Variants in XPO4 observed in about 807,000 individuals in gnomAD.
XPO4 encodes the protein exportin-4.
XPO4 carries 39 observed loss-of-function variants against 143.0 expected under a neutral mutation model. The observed-to-expected ratio is 0.27, with a 90% CI of 0.21 to 0.36. The LOEUF (loss-of-function observed/expected upper bound fraction) is 0.36. Ranked by LOEUF, XPO4 falls within the 10% of genes least tolerant of loss-of-function variation. The pLI, the probability that XPO4 is intolerant of heterozygous loss-of-function variation, is 1.00. For missense variants in XPO4, 907 were observed against 1,348.0 expected (o/e 0.67, Z 5.12); for synonymous variants, 439 against 474.0 (o/e 0.93, Z 0.96).
Position 20,796,080 on chromosome 13 carries a change from A to G in XPO4, c.2793T>C (p.Asp931=). The change falls in exon 18 of 23, where the codon GAT becomes GAC. Residue 931 remains aspartate, a synonymous_variant. Transcript: ENST00000255305. ...LLSKEFIDFS[D]TDEVFRGHEP... is the part of the protein sequence containing the mutation. ...AACCATCACGTTACATTTTACCTGTATCACTGAAATCTATGAATTCTTTTG... is the reference window on the plus strand; with the variant it reads ...AACCATCACGTTACATTTTACCTGTGTCACTGAAATCTATGAATTCTTTTG... 8 of 1,610,316 alleles carry G rather than the reference A, an allele frequency of 5.0e-6. No homozygotes were observed. The highest frequency in any genetic ancestry group is 6.8e-6 in the Non-Finnish European group (8 of 1,178,116).
At chr13:20,809,430 C>A (rs2059549462) in intron 10 of XPO4, among the ~76,000 whole-genome samples, 1 of 152,112 alleles carries the variant, frequency 6.6e-6, no homozygotes, top group Non-Finnish European at 1.5e-5. Flanking sequence ...GGAAAACATA[C>A]AAGAGCAAGA....
intron 4 of XPO4, chr13:20,851,720 AAAAAAAAAAAG>A: frequency 3.1e-6 from 3 of 953,108 alleles, no homozygotes; most frequent in South Asian, 4.9e-5. Flanking sequence ...ACAAAAAAAA[AAAAAAAAAAAG>A]AAAGAAAGAA....
Position 20,821,792 on chromosome 13 carries a change from G to A in XPO4, c.1085C>T (p.Ala362Val), listed in dbSNP as rs2059723167. Reference sequence around the variant, plus strand: ...GGAGGAGAAAAGTTCACTTGGAATGGCAGTTAAAACATTTCGTGGGAACAC... The same window carrying A: ...GGAGGAGAAAAGTTCACTTGGAATGACAGTTAAAACATTTCGTGGGAACAC... ...ITVFPRNVLTAIPSELFSSFV... is the reference protein window; with the variant it reads ...ITVFPRNVLTVIPSELFSSFV... Residue 362 changes from alanine to valine, a missense_variant, in exon 9 of 23, where the codon GCC (alanine) becomes GTC (valine). Physicochemically the swap from Ala to Val is moderately conservative, Grantham distance 64. Coordinates refer to ENST00000255305, the MANE Select transcript of XPO4 (RefSeq NM_022459.5). The A allele has an allele frequency of 1.9e-6, 3 of 1,613,966 alleles. No individual in the cohort carries two copies. Among genetic ancestry groups the A allele is most frequent in the African/African-American group, 1.3e-5 (1 of 74,940 alleles).
At chr13:20,871,899 TTTATA>T (rs1440211174) in intron 1 of XPO4, among the ~76,000 whole-genome samples, 2 of 152,204 alleles carry the variant, frequency 1.3e-5, no homozygotes, top group Non-Finnish European at 2.9e-5. Context: ...TAAAAGTTGA[TTTATA>T]TTAACCACCT....
chr13:20,807,136 A>G (rs2059518806), intron 13 of XPO4, among the ~76,000 whole-genome samples: 1 of 152,186 alleles, frequency 6.6e-6, no homozygotes, highest in Non-Finnish European at 1.5e-5. Context: ...GGGCGCCTGC[A>G]TGCATCAGTA....
chr13:20,858,922 G>GTA (rs59921874), intron 3 of XPO4, among the ~76,000 whole-genome samples: 3,156 of 148,638 alleles, frequency 0.021, 30 homozygotes, highest in Admixed American at 0.026. Context: ...ATGTGTGTGT[G>GTA]TATATATATA....
chr13:20,792,562 C>G (rs957311043), intron 18 of XPO4, among the ~76,000 whole-genome samples: 1 of 151,240 alleles, frequency 6.6e-6, no homozygotes, highest in African/African-American at 2.4e-5. Flanking sequence ...GAGCGAGACG[C>G]TGTCTCAAAA....
At position 20,786,325 on chromosome 13, in the gene XPO4, A is replaced by ATG. The variant is rs1353195486; in HGVS notation, c.3258+639_3258+640insCA. Among the ~76,000 whole-genome samples, 5 of 141,418 alleles carry ATG rather than the reference A, an allele frequency of 3.5e-5. No individual in the cohort carries two copies. The East Asian group carries it at 1.0e-3, about 29-fold the overall frequency. The allele number at this position is 141,418 out of a possible 152,430, so 92.8% of individuals were successfully genotyped here. The stretch of plus-strand genomic sequence containing the variant: ...TGTGTGTGTATATATATATATATAT[A>ATG]TATGTACCTTACATATATATGTGTG... On this transcript the variant is annotated intron_variant, in intron 22 of 22. Transcript: ENST00000255305.
At chr13:20,826,665 A>C (rs2059789768) in intron 7 of XPO4, among the ~76,000 whole-genome samples, 2 of 152,232 alleles carry the variant, frequency 1.3e-5, no homozygotes. Flanking sequence ...TCAAAAATAT[A>C]GTTAATTAAA....
At chr13:20,887,153 C>G (rs1471967953) in intron 1 of XPO4, among the ~76,000 whole-genome samples, 4 of 152,156 alleles carry the variant, frequency 2.6e-5, no homozygotes, top group Non-Finnish European at 4.4e-5. Flanking sequence ...CAGATTTCTT[C>G]AAGAGACTAC....
chr13:20,868,456 G>C (rs1372470025), intron 2 of XPO4, 140 bp downstream of exon 2: 1 of 1,290,840 alleles, frequency 7.7e-7, no homozygotes, highest in Non-Finnish European at 1.0e-6. Context: ...AGCTACTCCA[G>C]TAGAATGATT....
At chr13:20,893,163 G>T (rs1566630993) in intron 1 of XPO4, among the ~76,000 whole-genome samples, 1 of 152,202 alleles carries the variant, frequency 6.6e-6, no homozygotes, top group African/African-American at 2.4e-5. Context: ...TGGAAAGGCA[G>T]TAACTTATCC....
chr13:20,799,580 A>AGCCT (rs1198325688), intron 15 of XPO4, among the ~76,000 whole-genome samples: 1 of 152,184 alleles, frequency 6.6e-6, no homozygotes. Flanking sequence ...AATCTGCAAA[A>AGCCT]TAGGAATAAT....
intron 1 of XPO4, chr13:20,902,136 G>C (rs1566636189): frequency 6.1e-6 from 6 of 985,318 alleles, no homozygotes; most frequent in Non-Finnish European, 7.2e-6. Context: ...CCCTCCAGCC[G>C]GCCCGGCCCT....
At chr13:20,787,837 G>A (rs765967319) in intron 20 of XPO4, among the ~76,000 whole-genome samples, 7 of 152,000 alleles carry the variant, frequency 4.6e-5, no homozygotes, top group Non-Finnish European at 8.8e-5. Flanking sequence ...TTCAGTTTAC[G>A]ATACATACAA....
intron 1 of XPO4, among the ~76,000 whole-genome samples, chr13:20,891,919 C>T (rs2060521070): frequency 6.6e-6 from 1 of 151,598 alleles, no homozygotes; most frequent in South Asian, 2.1e-4. Context: ...AACTTCTGGA[C>T]TCAAGCAATT....
At chr13:20,799,115 A>T (rs781264398) in intron 16 of XPO4, 50 bp downstream of exon 16, 136 of 1,495,424 alleles carry the variant, frequency 9.1e-5, no homozygotes, top group Non-Finnish European at 1.2e-4. Context: ...TAGATAAAGG[A>T]ACTACAGAGT....
At chr13:20,787,650 A>C in intron 20 of XPO4, 52 bp from the exon 21 acceptor site, 1 of 1,501,724 alleles carries the variant, frequency 6.7e-7, no homozygotes, top group Non-Finnish European at 9.2e-7. Context: ...CGATTTATAA[A>C]AGATAAAAAA....
At chr13:20,875,479 G>A (rs542395030) in intron 1 of XPO4, among the ~76,000 whole-genome samples, 17 of 152,124 alleles carry the variant, frequency 1.1e-4, no homozygotes, top group Middle Eastern at 3.4e-3. Context: ...CATATCTTCC[G>A]TTTTAAAGTC....
Sources: gnomAD v4.1 joint callset for allele counts (sites outside exome capture counted in the v4.1 genomes callset) on GRCh38, gnomAD v4.1.1 for gene constraint, MANE v1.5 for transcripts, NCBI Gene and HGNC (gene_info 2026-07-23, HGNC 2026-07-21) for gene names.